MEF2C: variants seen among roughly 807,000 people sequenced by gnomAD.
The protein encoded by MEF2C is myocyte-specific enhancer factor 2C.
In MEF2C, 6 loss-of-function variants were observed where a neutral mutation model predicts 50.5. That is an observed-to-expected ratio of 0.12 (90% CI 0.07 to 0.23). The LOEUF (loss-of-function observed/expected upper bound fraction) is 0.23. Ranked by LOEUF, MEF2C falls within the 10% of genes least tolerant of loss-of-function variation. The probability of loss-of-function intolerance (pLI) is 1.00; values close to 1 mark genes in which losing one functional copy is unlikely to be tolerated. For missense variants in MEF2C, 276 were observed against 605.0 expected, an observed-to-expected ratio of 0.46 and a Z score of 5.70; for synonymous variants, 183 against 228.0, an observed-to-expected ratio of 0.80 and a Z score of 1.78.
At chr5:88,780,725 T>G (rs1329908917) in intron 3 of MEF2C, 2 of 968,370 alleles carry the variant, frequency 2.1e-6, no homozygotes, top group African/African-American at 3.5e-5. Flanking sequence ...TGACTAATAC[T>G]TCAATGAAAT....
intron 1 of MEF2C, among the ~76,000 whole-genome samples, chr5:88,898,777 G>A (rs1412059827): frequency 6.6e-6 from 1 of 151,998 alleles, no homozygotes. Context: ...TATTACTATT[G>A]CAAAAGTATT....
At chr5:88,831,138 T>C (rs1156575282) in intron 1 of MEF2C, among the ~76,000 whole-genome samples, 1 of 152,138 alleles carries the variant, frequency 6.6e-6, no homozygotes, top group African/African-American at 2.4e-5. Context: ...AAAATGGAAA[T>C]ACTCTAAAAA....
At chr5:88,834,482 T>C (rs920009825) in intron 1 of MEF2C, among the ~76,000 whole-genome samples, 4 of 151,972 alleles carry the variant, frequency 2.6e-5, no homozygotes, top group African/African-American at 9.7e-5. Context: ...AAACAGAAGG[T>C]CTCAGTCTTC....
At chr5:88,790,977 T>A (rs1046743066) in intron 3 of MEF2C, among the ~76,000 whole-genome samples, 1 of 152,226 alleles carries the variant, frequency 6.6e-6, no homozygotes, top group Admixed American at 6.5e-5. Flanking sequence ...ATCTTAGAAT[T>A]CTGCTTCTAG....
chr5:88,834,477 G>T (rs1814279775), intron 1 of MEF2C, among the ~76,000 whole-genome samples: 1 of 152,096 alleles, frequency 6.6e-6, no homozygotes, highest in Non-Finnish European at 1.5e-5. Flanking sequence ...AAACAAAACA[G>T]AAGGTCTCAG....
At chr5:88,878,230 T>A (rs1204877393) in intron 1 of MEF2C, among the ~76,000 whole-genome samples, 1 of 152,130 alleles carries the variant, frequency 6.6e-6, no homozygotes, top group East Asian at 1.9e-4. Flanking sequence ...AATGTTTGTG[T>A]TAGTAGAAGA....
rs547030935 is a variant in MEF2C at position 88,742,949 on chromosome 5, A to C, written c.637+6121T>G. 75 of 973,670 alleles carry C rather than the reference A, an allele frequency of 7.7e-5. No individual in the cohort carries two copies. In the African/African-American group the frequency reaches 1.2e-3, roughly 15 times the overall value. The allele number at this position is 973,670 out of a possible 1,614,324, so 60.3% of individuals were successfully genotyped here. ...TGGGTTAAAAATATCATTGTTACTT[A>C]ATTTCATAAATAATAATAATAAAGC... On this transcript the variant is annotated intron_variant, in intron 6 of 10. Coordinates refer to ENST00000504921, the MANE Select transcript of MEF2C (RefSeq NM_002397.5).
intron 1 of MEF2C, among the ~76,000 whole-genome samples, chr5:88,881,725 G>A (rs998118552): frequency 2.3e-5 from 2 of 86,678 alleles, no homozygotes; most frequent in African/African-American, 1.6e-4. Context: ...TAGGCTAGTC[G>A]CTTTTTTTTT....
intron 1 of MEF2C, among the ~76,000 whole-genome samples, chr5:88,832,149 A>G (rs1813308884): frequency 6.6e-6 from 1 of 152,170 alleles, no homozygotes; most frequent in Non-Finnish European, 1.5e-5. Flanking sequence ...CATTCTATAC[A>G]GCTGCAGAGG....
intron 3 of MEF2C, among the ~76,000 whole-genome samples, chr5:88,798,680 T>A (rs1219823522): frequency 6.6e-6 from 1 of 152,162 alleles, no homozygotes; most frequent in African/African-American, 2.4e-5. Context: ...TTATGTTCCC[T>A]TGCTGGAGAG....
intron 2 of MEF2C, chr5:88,819,516 G>A: frequency 2.9e-6 from 1 of 344,012 alleles, no homozygotes; most frequent in Non-Finnish European, 4.1e-6. Context: ...CCTCTCTTAA[G>A]GAACTTTGCA....
At chr5:88,758,343 G>T (rs912737824) in intron 4 of MEF2C, among the ~76,000 whole-genome samples, 1 of 152,044 alleles carries the variant, frequency 6.6e-6, no homozygotes, top group Non-Finnish European at 1.5e-5. Flanking sequence ...TCAGACGGAG[G>T]TGTTTTCTCT....
chr5:88,822,794 C>T (rs145801452), intron 2 of MEF2C, among the ~76,000 whole-genome samples: 1 of 152,026 alleles, frequency 6.6e-6, no homozygotes, highest in African/African-American at 2.4e-5. Context: ...TTCAGTGTAA[C>T]CGAAAAGTAG....
At chr5:88,868,668 C>T (rs1423054782) in intron 1 of MEF2C, among the ~76,000 whole-genome samples, 1 of 152,130 alleles carries the variant, frequency 6.6e-6, no homozygotes, top group Non-Finnish European at 1.5e-5. Context: ...CTATGACAAC[C>T]CACATGATTC....
intron 3 of MEF2C, among the ~76,000 whole-genome samples, chr5:88,783,179 G>C (rs969197560): frequency 6.6e-6 from 1 of 152,042 alleles, no homozygotes; most frequent in African/African-American, 2.4e-5. Context: ...TATCAGGAGC[G>C]GCACTGCCAT....
intron 3 of MEF2C, among the ~76,000 whole-genome samples, chr5:88,782,474 A>T (rs1015411901): frequency 3.3e-5 from 5 of 152,106 alleles, no homozygotes; most frequent in South Asian, 2.1e-4. Context: ...CAAAAAAAAA[A>T]AAAATAAAAA....
At chr5:88,752,862 A>T (rs1470278678) in intron 4 of MEF2C, 1 of 642,476 alleles carries the variant, frequency 1.6e-6, no homozygotes, top group Non-Finnish European at 1.9e-6. Flanking sequence ...AGATGAACAT[A>T]GGAACATAAT....
At chr5:88,891,238 A>G (rs1207620901) in intron 1 of MEF2C, among the ~76,000 whole-genome samples, 1 of 152,234 alleles carries the variant, frequency 6.6e-6, no homozygotes, top group East Asian at 1.9e-4. Flanking sequence ...TTAAAGAGCT[A>G]AAAAGCATTC....
chr5:88,902,786 A>G (rs972243722), intron 1 of MEF2C, among the ~76,000 whole-genome samples: 3 of 151,302 alleles, frequency 2.0e-5, no homozygotes, highest in African/African-American at 7.3e-5. Context: ...CACCAATTCT[A>G]CCCCCCACAG....
Sources: gnomAD v4.1 joint callset for allele counts (sites outside exome capture counted in the v4.1 genomes callset) on GRCh38, gnomAD v4.1.1 for gene constraint, MANE v1.5 for transcripts, NCBI Gene and HGNC (gene_info 2026-07-23, HGNC 2026-07-21) for gene names.